KIRREL3: variants seen among roughly 807,000 people sequenced by gnomAD.
KIRREL3 encodes kirre like nephrin family adhesion molecule 3, also known as kin of IRRE-like protein 3.
Under a neutral mutation model 89.7 loss-of-function variants are expected in KIRREL3, and 36 were observed. The ratio of observed to expected loss-of-function variants is 0.40; its 90% CI spans 0.31 to 0.53. The LOEUF (loss-of-function observed/expected upper bound fraction) is 0.53, where lower values mean the gene tolerates loss of function less well. Ranked by LOEUF, KIRREL3 falls within the 20% of genes least tolerant of loss-of-function variation. KIRREL3 has a pLI of 0.49. For synonymous variants in KIRREL3, 445 were observed against 441.4 expected (o/e 1.01, Z -0.10); for missense variants, 864 against 1,056.6 (o/e 0.82, Z 2.53).
intron 1 of KIRREL3, among the ~76,000 whole-genome samples, chr11:126,815,126 A>T (rs769685992): frequency 3.3e-5 from 5 of 152,202 alleles, no homozygotes; most frequent in Non-Finnish European, 5.9e-5. Context: ...AAAACAGATG[A>T]CAAAAGACAC....
At chr11:126,803,017 T>C (rs530952192) in intron 1 of KIRREL3, among the ~76,000 whole-genome samples, 6 of 152,294 alleles carry the variant, frequency 3.9e-5, no homozygotes, top group Admixed American at 3.3e-4. Context: ...AGTTAGCTAA[T>C]TGATTCCTCC....
At chr11:126,426,112 T>G (rs1482709732) in intron 15 of KIRREL3, among the ~76,000 whole-genome samples, 1 of 152,258 alleles carries the variant, frequency 6.6e-6, no homozygotes, top group Non-Finnish European at 1.5e-5. Context: ...TTAACGTACA[T>G]TAAGATACAG....
chr11:126,630,512 G>A (rs1182700046), intron 1 of KIRREL3, among the ~76,000 whole-genome samples: 1 of 152,186 alleles, frequency 6.6e-6, no homozygotes, highest in Non-Finnish European at 1.5e-5. Context: ...TTGTGGGGAA[G>A]TGAGTAGGGC....
In KIRREL3 at chr11:126,666,665, G is replaced by T. The variant is rs1174996038; in HGVS notation, c.56-103753C>A. Among the ~76,000 whole-genome samples the T allele has an allele frequency of 6.6e-6, 1 of 152,164 alleles. No homozygotes were observed. Among genetic ancestry groups the T allele is most frequent in the Non-Finnish European group, 1.5e-5 (1 of 68,020 alleles). ...AACTTGGCTTATTTTTTTACTGCAT[G>T]ATATGAACACTTAGGGTTAAACAGA... On this transcript the variant is annotated intron_variant, in intron 1 of 16. Transcript: ENST00000525144. The surrounding 1 kb of genome is among the most constrained non-coding windows in gnomAD (Gnocchi z 4.2).
rs1006585657 is a variant in KIRREL3, at chr11:126,474,830, T to C, written c.434-1364A>G. 6.6e-6 allele frequency among the ~76,000 whole-genome samples: 1 copy of C among 152,180 alleles called. No homozygotes were observed. Among genetic ancestry groups the C allele is most frequent in the African/African-American group, 2.4e-5 (1 of 41,448 alleles). On this transcript the variant is annotated intron_variant, in intron 4 of 16. Transcript: ENST00000525144. The surrounding 1 kb of genome is among the most constrained non-coding windows in gnomAD (Gnocchi z 6.7). ...TGAAGGATGGTGGATGATCATGGTT[T>C]GGAGGAGAGGCCCAGAAATCTGAAG... is the stretch of plus-strand genomic sequence containing the variant.
intron 11 of KIRREL3, among the ~76,000 whole-genome samples, chr11:126,437,721 T>A (rs966482233): frequency 3.3e-5 from 5 of 151,878 alleles, no homozygotes; most frequent in African/African-American, 1.2e-4. Flanking sequence ...CCGAAATACA[T>A]GTACACATGC....
At chr11:126,911,516 G>A (rs1033169359) in intron 1 of KIRREL3, among the ~76,000 whole-genome samples, 3 of 152,142 alleles carry the variant, frequency 2.0e-5, no homozygotes, top group Non-Finnish European at 4.4e-5. Flanking sequence ...GACCAACAGG[G>A]CAGGAAAGCT....
intron 1 of KIRREL3, among the ~76,000 whole-genome samples, chr11:126,973,003 G>T (rs900908943): frequency 2.0e-5 from 3 of 147,404 alleles, no homozygotes; most frequent in African/African-American, 5.0e-5. Context: ...AAGTCAATGG[G>T]AATTATATTT....
chr11:126,539,555 T>C (rs1591703523), intron 2 of KIRREL3, among the ~76,000 whole-genome samples: 1 of 152,076 alleles, frequency 6.6e-6, no homozygotes, highest in East Asian at 1.9e-4. Flanking sequence ...AAAGAAGAAA[T>C]GGATTTAGGA....
rs1267544086 is a variant in KIRREL3 at position 126,615,272 on chromosome 11, T to G, written c.56-52360A>C. On this transcript the variant is annotated intron_variant, in intron 1 of 16. Coordinates refer to ENST00000525144, the MANE Select transcript of KIRREL3 (RefSeq NM_032531.4). This position sits in a 1 kb window ranked among gnomAD's most constrained non-coding sequence, Gnocchi z 5.4. ...CTGTATTCTCAGCACCTAATCCAGT[T>G]CCTGGCACAGTCCTCAATAAATGTT... Among the ~76,000 whole-genome samples the G allele has an allele frequency of 6.6e-6, 1 of 152,196 alleles. No individual in the cohort carries two copies. The highest frequency in any genetic ancestry group is 2.4e-5 in the African/African-American group (1 of 41,452).
chr11:126,510,259 C>T (rs1437655383), intron 4 of KIRREL3, among the ~76,000 whole-genome samples: 3 of 152,076 alleles, frequency 2.0e-5, no homozygotes, highest in Non-Finnish European at 2.9e-5. Context: ...AGATTTGCTG[C>T]CATCATCTCA....
intron 1 of KIRREL3, among the ~76,000 whole-genome samples, chr11:126,792,952 G>A (rs1950692212): frequency 6.6e-6 from 1 of 152,110 alleles, no homozygotes; most frequent in Non-Finnish European, 1.5e-5. Flanking sequence ...GGGTGGGCAG[G>A]CTCAGGTTCT....
At chr11:126,665,381 G>A (rs998260508) in intron 1 of KIRREL3, among the ~76,000 whole-genome samples, 2 of 152,140 alleles carry the variant, frequency 1.3e-5, no homozygotes, top group African/African-American at 4.8e-5. Context: ...GTTTCAGGAG[G>A]CATTTTAATG....
At chr11:126,839,254 G>A (rs1943881887) in intron 1 of KIRREL3, among the ~76,000 whole-genome samples, 1 of 152,210 alleles carries the variant, frequency 6.6e-6, no homozygotes, top group African/African-American at 2.4e-5. Flanking sequence ...CAATACTGGG[G>A]TGAAGGCACC....
At position 126,495,099 on chromosome 11, in the gene KIRREL3, T is replaced by C. The variant is rs535266425; in HGVS notation, c.434-21633A>G. On this transcript the variant is annotated intron_variant, in intron 4 of 16. Transcript: ENST00000525144. The surrounding 1 kb of genome is among the most constrained non-coding windows in gnomAD (Gnocchi z 6.5). ...AGCTGGCCCCTCTTAGGCCCTGACC[T>C]CCAGGCAAGTCCCAAGGTCTGTTGC... is the stretch of plus-strand genomic sequence containing the variant. 2.0e-5 allele frequency among the ~76,000 whole-genome samples: 3 copies of C among 152,216 alleles called. No homozygotes were observed. The South Asian group carries it at 6.2e-4, about 32-fold the overall frequency.
In KIRREL3 at chr11:126,570,770, G is replaced by A. The variant is rs1940866286; in HGVS notation, c.56-7858C>T. ...TGTGGGGTCTAGAATTATCTGTGCT[G>A]CTATGTCTCAGATCCTGTGTGCCTG... On this transcript the variant is annotated intron_variant, in intron 1 of 16. Transcript: ENST00000525144. The surrounding 1 kb of genome is among the most constrained non-coding windows in gnomAD (Gnocchi z 6.1). 1.3e-5 allele frequency among the ~76,000 whole-genome samples: 2 copies of A among 152,196 alleles called. No individual in the cohort carries two copies. The highest frequency in any genetic ancestry group is 4.1e-4 in the South Asian group (2 of 4,826).
intron 1 of KIRREL3, among the ~76,000 whole-genome samples, chr11:126,984,192 T>G (rs144027210): frequency 1.3e-5 from 2 of 152,178 alleles, no homozygotes. Flanking sequence ...CTCTGAATAG[T>G]GCCCTTCATA....
chr11:126,595,313 T>A (rs1942344175), intron 1 of KIRREL3, among the ~76,000 whole-genome samples: 1 of 152,268 alleles, frequency 6.6e-6, no homozygotes, highest in Admixed American at 6.5e-5. Context: ...GCTCCAGAGA[T>A]CCGGAGCTGA....
At chr11:126,875,101 G>A (rs1945233717) in intron 1 of KIRREL3, among the ~76,000 whole-genome samples, 1 of 152,150 alleles carries the variant, frequency 6.6e-6, no homozygotes, top group African/African-American at 2.4e-5. Context: ...TTTAGAGGTG[G>A]CAAGTGTATA....
Sources: allele counts gnomAD v4.1 joint callset (sites outside exome capture counted in the v4.1 genomes callset), GRCh38; gene constraint gnomAD v4.1.1; non-coding constraint Gnocchi (gnomAD v3.1); transcripts MANE v1.5; gene names NCBI Gene and HGNC (gene_info 2026-07-23, HGNC 2026-07-21).